The following LEPR variants were observed in gnomAD, a reference collection of about 807,000 sequenced individuals.
The protein encoded by LEPR is OB receptor.
Under a neutral mutation model 114.7 loss-of-function variants are expected in LEPR, and 56 were observed. The ratio of observed to expected loss-of-function variants is 0.49; its 90% confidence interval spans 0.39 to 0.61. The LOEUF (loss-of-function observed/expected upper bound fraction) is 0.61. LEPR is among the 20% of genes least tolerant of loss of function. LEPR has a pLI of 0.00. For missense variants in LEPR, 1,202 were observed against 1,352.9 expected (o/e 0.89, Z 1.75); for synonymous variants, 443 against 461.4 (o/e 0.96, Z 0.51).
At chr1:65,492,728 G>T (rs1647940719) in intron 2 of LEPR, among the ~76,000 whole-genome samples, 1 of 151,100 alleles carries the variant, frequency 6.6e-6, no homozygotes, top group Non-Finnish European at 1.5e-5. Flanking sequence ...ATGATTCCTG[G>T]CCTTTCGTAT....
At chr1:65,628,493 A>ATG (rs1215055414) in intron 19 of LEPR, among the ~76,000 whole-genome samples, 2 of 152,130 alleles carry the variant, frequency 1.3e-5, no homozygotes, top group Non-Finnish European at 2.9e-5. Flanking sequence ...CTACTTTCAC[A>ATG]TGTGTGTATC....
chr1:65,580,706 C>A (rs1168723611), intron 5 of LEPR, among the ~76,000 whole-genome samples: 2 of 152,134 alleles, frequency 1.3e-5, no homozygotes, highest in Non-Finnish European at 2.9e-5. Context: ...CTGGAGCTAA[C>A]ATTCTGTGGT....
chr1:65,527,159 T>G (rs1224455713), intron 2 of LEPR, among the ~76,000 whole-genome samples: 1 of 152,254 alleles, frequency 6.6e-6, no homozygotes, highest in East Asian at 1.9e-4. Flanking sequence ...ACATTGCACC[T>G]TTCCTATCAA....
intron 1 of LEPR, 109 bp from the exon 2 acceptor site, chr1:65,425,194 G>A (rs1402290939): frequency 5.8e-6 from 5 of 856,930 alleles, no homozygotes; most frequent in Admixed American, 2.5e-5. Flanking sequence ...TTACTCATCC[G>A]CCAAAGAAAC....
chr1:65,421,011 C>T (rs1646237271), intron 1 of LEPR, among the ~76,000 whole-genome samples: 1 of 152,166 alleles, frequency 6.6e-6, no homozygotes, highest in Non-Finnish European at 1.5e-5. Context: ...GAGCCCTCGG[C>T]GAGAGCGGCG....
chr1:65,606,733 T>C (rs1023611665), intron 11 of LEPR, among the ~76,000 whole-genome samples: 1 of 152,228 alleles, frequency 6.6e-6, no homozygotes, highest in East Asian at 1.9e-4. Context: ...CTCTTGAATA[T>C]TGATACTTCC....
intron 2 of LEPR, among the ~76,000 whole-genome samples, chr1:65,446,968 A>G (rs1339105708): frequency 6.6e-6 from 1 of 152,136 alleles, no homozygotes; most frequent in Non-Finnish European, 1.5e-5. Context: ...AGTAGCTGGG[A>G]CTACAGGTGC....
chr1:65,584,304 A>G (rs1655181004), intron 5 of LEPR, among the ~76,000 whole-genome samples: 1 of 151,980 alleles, frequency 6.6e-6, no homozygotes. Flanking sequence ...TGTCTGGAGG[A>G]TAGTTGTTCG....
intron 7 of LEPR, 119 bp downstream of exon 7, chr1:65,596,712 T>TTA (rs1420396774): frequency 1.1e-4 from 102 of 893,596 alleles, no homozygotes; most frequent in Non-Finnish European, 1.6e-4. Flanking sequence ...GCAGAATGAA[T>TTA]TATAATTCAA....
chr1:65,586,318 T>A (rs1402638063), intron 5 of LEPR, among the ~76,000 whole-genome samples: 1 of 152,082 alleles, frequency 6.6e-6, no homozygotes, highest in Non-Finnish European at 1.5e-5. Flanking sequence ...ATGTAAATTG[T>A]AATAATGAAA....
intron 5 of LEPR, among the ~76,000 whole-genome samples, chr1:65,584,047 T>C (rs1258642495): frequency 1.3e-5 from 2 of 152,152 alleles, no homozygotes; most frequent in Non-Finnish European, 2.9e-5. Flanking sequence ...TGCTAGGCTC[T>C]GTAAGGGGTG....
intron 2 of LEPR, among the ~76,000 whole-genome samples, chr1:65,488,096 C>CTTCT (rs1159079494): frequency 1.8e-5 from 2 of 112,722 alleles, no homozygotes; most frequent in African/African-American, 7.6e-5. Context: ...CCTTTCTTTC[C>CTTCT]TTCTTTCTTT....
chr1:65,633,653 A>G lies in LEPR; in HGVS notation c.2674-2538A>G. 2 of 986,056 alleles carry G rather than the reference A, an allele frequency of 2.0e-6. No homozygotes were observed. The highest frequency in any genetic ancestry group is 2.4e-6 in the Non-Finnish European group (2 of 830,346). 61.1% of individuals were successfully genotyped at this position (986,056 alleles called of 1,614,324 possible). A position where few individuals can be genotyped will look rare whatever the true frequency, so the allele number is the denominator to read the frequency against. ...ATTTAGTTTGTATTTTTATGTCCAAACTTTTCCATTTTAGATTCCTTTATA... is the reference window on the plus strand; with the variant it reads ...ATTTAGTTTGTATTTTTATGTCCAAGCTTTTCCATTTTAGATTCCTTTATA... On this transcript the variant is annotated intron_variant, in intron 19 of 19. Transcript: ENST00000349533. The surrounding 1 kb of genome is among the most constrained non-coding windows in gnomAD (Gnocchi z 4.1).
At chr1:65,574,022 C>T (rs945471188) in intron 5 of LEPR, among the ~76,000 whole-genome samples, 1 of 152,072 alleles carries the variant, frequency 6.6e-6, no homozygotes, top group African/African-American at 2.4e-5. Flanking sequence ...GCAGTTGGGA[C>T]CTGTATGTAC....
At chr1:65,425,239 A>C in intron 1 of LEPR, 64 bp from the exon 2 acceptor site, 1 of 1,441,862 alleles carries the variant, frequency 6.9e-7, no homozygotes, top group Non-Finnish European at 9.7e-7. Flanking sequence ...CCATTTCCCC[A>C]AACCCTCTAG....
intron 2 of LEPR, among the ~76,000 whole-genome samples, chr1:65,492,764 T>C (rs1488695959): frequency 6.6e-6 from 1 of 151,990 alleles, no homozygotes; most frequent in East Asian, 1.9e-4. Context: ...GTTATTCTTG[T>C]TGTATGGGAA....
chr1:65,545,699 G>A (rs1232766710), intron 2 of LEPR, among the ~76,000 whole-genome samples: 2 of 152,182 alleles, frequency 1.3e-5, no homozygotes, highest in East Asian at 3.8e-4. Context: ...TGTAGATTCT[G>A]GATATTAGCC....
intron 2 of LEPR, among the ~76,000 whole-genome samples, chr1:65,474,742 T>G (rs1417850403): frequency 6.6e-6 from 1 of 152,138 alleles, no homozygotes; most frequent in Non-Finnish European, 1.5e-5. Context: ...GTGCGGTGGC[T>G]CATGCCTGTA....
chr1:65,572,851 A>G (rs1218343580), intron 5 of LEPR, among the ~76,000 whole-genome samples: 1 of 152,194 alleles, frequency 6.6e-6, no homozygotes, highest in Non-Finnish European at 1.5e-5. Flanking sequence ...CAGCTCTCTT[A>G]GCAGCAGCTT....
Sources: gnomAD v4.1 joint callset for allele counts (sites outside exome capture counted in the v4.1 genomes callset) on GRCh38, gnomAD v4.1.1 for gene constraint, Gnocchi (gnomAD v3.1) non-coding constraint, MANE v1.5 for transcripts, NCBI Gene and HGNC (gene_info 2026-07-23, HGNC 2026-07-21) for gene names.